Variants in SLIT3 observed in about 807,000 individuals in gnomAD.
The protein encoded by SLIT3 is slit guidance ligand 3, also known as slit homolog 3 protein.
SLIT3 carries 68 observed loss-of-function variants against 184.0 expected under a neutral mutation model. That is an observed-to-expected ratio of 0.37 (90% CI 0.30 to 0.45). The LOEUF (loss-of-function observed/expected upper bound fraction) is 0.45, where lower values mean the gene tolerates loss of function less well. SLIT3 is among the 20% of genes least tolerant of loss of function. The probability of loss-of-function intolerance (pLI) is 1.00; values close to 1 mark genes in which losing one functional copy is unlikely to be tolerated. For synonymous variants in SLIT3, 831 were observed against 828.6 expected (o/e 1.00, Z -0.05); for missense variants, 1,707 against 2,026.0 (o/e 0.84, Z 3.02).
At chr5:169,007,281 T>C (rs1561603178) in intron 4 of SLIT3, among the ~76,000 whole-genome samples, 1 of 152,222 alleles carries the variant, frequency 6.6e-6, no homozygotes, top group Non-Finnish European at 1.5e-5. Context: ...CTCAGGTATG[T>C]CTTTAAAGCA....
At chr5:168,862,827 A>T (rs1759159608) in intron 5 of SLIT3, among the ~76,000 whole-genome samples, 1 of 151,994 alleles carries the variant, frequency 6.6e-6, no homozygotes, top group South Asian at 2.1e-4. Context: ...GGCACCCACC[A>T]CCATGCCTGG....
At chr5:168,970,861 G>T (rs1396203904) in intron 4 of SLIT3, among the ~76,000 whole-genome samples, 1 of 152,200 alleles carries the variant, frequency 6.6e-6, no homozygotes, top group Non-Finnish European at 1.5e-5. Context: ...GTGAAATGGA[G>T]AGTCATTTAT....
At chr5:168,985,134 C>T (rs755767525) in intron 4 of SLIT3, among the ~76,000 whole-genome samples, 1 of 152,178 alleles carries the variant, frequency 6.6e-6, no homozygotes, top group Non-Finnish European at 1.5e-5. Context: ...TTCAGAGTTC[C>T]TTCCGTGGCC....
At chr5:168,820,512 G>C (rs948888599) in intron 7 of SLIT3, among the ~76,000 whole-genome samples, 1 of 152,190 alleles carries the variant, frequency 6.6e-6, no homozygotes, top group Non-Finnish European at 1.5e-5. Flanking sequence ...TACAAGGCCT[G>C]GCACGCAGCA....
chr5:169,229,393 G>A (rs1038279134), intron 3 of SLIT3, among the ~76,000 whole-genome samples: 1 of 152,168 alleles, frequency 6.6e-6, no homozygotes, highest in Non-Finnish European at 1.5e-5. Context: ...AACTCGCATT[G>A]TTTTGTCTGT....
At chr5:168,819,144 G>A (rs1757437156) in intron 7 of SLIT3, among the ~76,000 whole-genome samples, 1 of 152,244 alleles carries the variant, frequency 6.6e-6, no homozygotes, top group Admixed American at 6.5e-5. Context: ...GCTGAAGCAA[G>A]CACTGCTTGC....
Position 168,664,664 on chromosome 5 carries a change from G to T in SLIT3, c.*1790C>A, listed in dbSNP as rs1453012541. On this transcript the variant is annotated 3_prime_UTR_variant, in exon 36 of 36. Transcript: ENST00000519560. ...GAACCTGAGGGCTGAAAGGTCCAAT[G>T]AATTCCAAACTCTTCTCCCTGAAAC... The T allele has an allele frequency of 1.3e-5, 2 of 152,244 alleles. No individual in the cohort carries two copies. Among genetic ancestry groups the T allele is most frequent in the Admixed American group, 6.5e-5 (1 of 15,276 alleles). 9.4% of individuals were successfully genotyped at this position (152,244 alleles called of 1,614,324 possible). A position where few individuals can be genotyped will look rare whatever the true frequency, so the allele number is the denominator to read the frequency against.
intron 4 of SLIT3, among the ~76,000 whole-genome samples, chr5:168,964,563 G>A (rs1168222848): frequency 6.6e-6 from 1 of 152,224 alleles, no homozygotes; most frequent in Admixed American, 6.5e-5. Flanking sequence ...CAGGTGGATT[G>A]AGTGAAACTT....
At chr5:169,079,351 C>T (rs916353034) in intron 4 of SLIT3, among the ~76,000 whole-genome samples, 10 of 151,958 alleles carry the variant, frequency 6.6e-5, no homozygotes, top group African/African-American at 2.4e-4. Flanking sequence ...AGTTCTCCTT[C>T]TCATCCTTGG....
At chr5:168,762,151 T>C (rs1235058942) in intron 15 of SLIT3, among the ~76,000 whole-genome samples, 1 of 151,924 alleles carries the variant, frequency 6.6e-6, no homozygotes, top group Non-Finnish European at 1.5e-5. Flanking sequence ...GGCTCAGATA[T>C]ATTTAATCAT....
intron 4 of SLIT3, among the ~76,000 whole-genome samples, chr5:168,936,040 C>T (rs1003716365): frequency 5.9e-5 from 9 of 152,184 alleles, no homozygotes; most frequent in African/African-American, 1.9e-4. Context: ...TAATTAGTTT[C>T]CCCCACAAAA....
intron 1 of SLIT3, among the ~76,000 whole-genome samples, chr5:169,252,787 C>A (rs911832642): frequency 3.3e-5 from 5 of 152,128 alleles, no homozygotes; most frequent in Non-Finnish European, 2.9e-5. Context: ...TGCCACCCTG[C>A]AATTATGCCT....
intron 3 of SLIT3, among the ~76,000 whole-genome samples, chr5:169,217,549 T>C (rs1289839842): frequency 6.6e-6 from 1 of 152,168 alleles, no homozygotes; most frequent in Non-Finnish European, 1.5e-5. Flanking sequence ...AATGAAGAGC[T>C]AGTGGCCCTG....
chr5:168,795,222 G>T (rs1756525024), intron 10 of SLIT3, among the ~76,000 whole-genome samples: 2 of 152,194 alleles, frequency 1.3e-5, no homozygotes, highest in African/African-American at 4.8e-5. Context: ...ATGGTGAAAT[G>T]GATTTTCCAG....
intron 4 of SLIT3, among the ~76,000 whole-genome samples, chr5:168,963,781 C>A (rs1763093805): frequency 6.6e-6 from 1 of 152,176 alleles, no homozygotes; most frequent in Non-Finnish European, 1.5e-5. Context: ...AGAGGCTGAC[C>A]TTCATCTTCA....
chr5:169,039,910 A>G (rs371797277), intron 4 of SLIT3, among the ~76,000 whole-genome samples: 4 of 152,238 alleles, frequency 2.6e-5, no homozygotes, highest in African/African-American at 9.6e-5. Context: ...GAACTTCACT[A>G]TCCCTTTTAA....
chr5:168,669,956 G>A lies in SLIT3; in HGVS notation c.4163C>T (p.Ser1388Leu), dbSNP rs780212077. Residue 1388 changes from serine to leucine, a missense_variant, in exon 35 of 36, where the codon TCA becomes TTA. Physicochemically the swap from Ser to Leu is moderately radical, Grantham distance 145 (BLOSUM62 -2). Transcript: ENST00000519560. The part of the protein sequence containing the change: ...HHGKCVATGT[S>L]YMCKCAEGYG... ...GCCCTCGGCACACTTGCACATGTATGAGGTCCCAGTTGCCACACATTTTCC... is the reference window on the plus strand; with the variant it reads ...GCCCTCGGCACACTTGCACATGTATAAGGTCCCAGTTGCCACACATTTTCC... 3.7e-6 allele frequency: 6 copies of A among 1,614,204 alleles called. No individual in the cohort carries two copies. The South Asian group carries it at 5.5e-5, about 15-fold the overall frequency.
chr5:168,703,306 C>T (rs1308233930), intron 26 of SLIT3, among the ~76,000 whole-genome samples: 1 of 149,290 alleles, frequency 6.7e-6, no homozygotes, highest in African/African-American at 2.5e-5. Context: ...TCCTGACTGG[C>T]TTCCTTTAAA....
intron 15 of SLIT3, among the ~76,000 whole-genome samples, chr5:168,761,848 C>G (rs1755160747): frequency 6.6e-6 from 1 of 151,828 alleles, no homozygotes; most frequent in African/African-American, 2.4e-5. Flanking sequence ...ATGTGATTCT[C>G]CTGCCTTAGC....
Sources: allele counts gnomAD v4.1 joint callset (sites outside exome capture counted in the v4.1 genomes callset), GRCh38; gene constraint gnomAD v4.1.1; transcripts MANE v1.5; gene names NCBI Gene and HGNC (gene_info 2026-07-23, HGNC 2026-07-21).